Variants in REL observed in about 807,000 individuals in gnomAD.
REL encodes the protein proto-oncogene c-Rel.
REL carries 15 observed loss-of-function variants against 45.9 expected under a neutral mutation model. That is an observed-to-expected ratio of 0.33 (90% CI 0.22 to 0.50). The LOEUF (loss-of-function observed/expected upper bound fraction) is 0.50. Ranked by LOEUF, REL falls within the 20% of genes least tolerant of loss-of-function variation. The pLI, the probability that REL is intolerant of heterozygous loss-of-function variation, is 0.98. For synonymous variants in REL, 239 were observed against 242.1 expected, an observed-to-expected ratio of 0.99 and a Z score of 0.12; for missense variants, 601 against 715.2, an observed-to-expected ratio of 0.84 and a Z score of 1.82.
In REL at chr2:60,922,756, C is replaced by A; in HGVS notation, c.*221C>A. The A allele has an allele frequency of 8.8e-7, 1 of 1,141,002 alleles. No homozygotes were observed. Among genetic ancestry groups the A allele is most frequent in the Non-Finnish European group, 1.1e-6 (1 of 927,990 alleles). 70.7% of individuals were successfully genotyped at this position (1,141,002 alleles called of 1,614,324 possible). On this transcript the variant is annotated 3_prime_UTR_variant, in exon 10 of 10. Coordinates refer to ENST00000394479, the MANE Select transcript of REL (RefSeq NM_001291746.2). Reference sequence around the variant, plus strand: ...ATTGGAAGCTGTCATAAAAAGACAACTCAGAGGCCAGGCGCAGGGGCTCAC... The same window carrying A: ...ATTGGAAGCTGTCATAAAAAGACAAATCAGAGGCCAGGCGCAGGGGCTCAC...
chr2:60,926,208 A>T lies in REL; in HGVS notation c.*3673A>T. The T allele has an allele frequency of 4.3e-6, 1 of 230,952 alleles. No homozygotes were observed. Among genetic ancestry groups the T allele is most frequent in the East Asian group, 6.1e-5 (1 of 16,392 alleles). 14.3% of individuals were successfully genotyped at this position (230,952 alleles called of 1,614,324 possible). On this transcript the variant is annotated 3_prime_UTR_variant, in exon 10 of 10. Transcript: ENST00000394479. ...CACTTAGTGATTCCTTTCTTTGTAT[A>T]AACATGGTAAATGTCTTCATTAGCC... is the stretch of plus-strand genomic sequence containing the variant.
chr2:60,886,206 T>G (rs866331646), intron 1 of REL, among the ~76,000 whole-genome samples: 50 of 152,316 alleles, frequency 3.3e-4, no homozygotes, highest in African/African-American at 1.2e-3. Context: ...GAAGATTTCT[T>G]TATCTTCTAA....
At chr2:60,917,613 CA>C (rs1674012458) in intron 5 of REL, among the ~76,000 whole-genome samples, 1 of 146,528 alleles carries the variant, frequency 6.8e-6, no homozygotes, top group African/African-American at 2.5e-5. Context: ...CACTGCATGG[CA>C]AATGCTGGCT....
At chr2:60,888,282 C>G (rs537290499) in intron 1 of REL, among the ~76,000 whole-genome samples, 4 of 152,056 alleles carry the variant, frequency 2.6e-5, no homozygotes, top group Non-Finnish European at 4.4e-5. Context: ...TTCACACTCT[C>G]TCTTCCCAAA....
At chr2:60,891,627 C>A in intron 1 of REL, 56 bp from the exon 2 acceptor site, 6 of 1,352,586 alleles carry the variant, frequency 4.4e-6, no homozygotes, top group African/African-American at 1.5e-5. Context: ...TGTTAAAATC[C>A]ATTATTAATT....
At position 60,928,462 on chromosome 2, in the gene REL, G is replaced by A. The variant is rs540139487; in HGVS notation, c.*5927G>A. 3.3e-5 allele frequency: 5 copies of A among 151,014 alleles called. No homozygotes were observed. Among genetic ancestry groups the A allele is most frequent in the Non-Finnish European group, 5.9e-5 (4 of 67,690 alleles). The allele number at this position is 151,014 out of a possible 1,614,324, so 9.4% of individuals were successfully genotyped here. A position where few individuals can be genotyped will look rare whatever the true frequency, so the allele number is the denominator to read the frequency against. ...CAGTAACCAAAACAGCATGGTACTGGTACCAAAACAGAGATATAGATCACT... is the reference window on the plus strand; with the variant it reads ...CAGTAACCAAAACAGCATGGTACTGATACCAAAACAGAGATATAGATCACT... On this transcript the variant is annotated 3_prime_UTR_variant, in exon 10 of 10. Transcript: ENST00000394479.
chr2:60,887,032 G>A (rs971746074), intron 1 of REL, among the ~76,000 whole-genome samples: 1 of 152,104 alleles, frequency 6.6e-6, no homozygotes, highest in Admixed American at 6.6e-5. Context: ...GGCGATTTGA[G>A]GTTATCTTAG....
chr2:60,906,097 G>A (rs1207640886), intron 4 of REL, among the ~76,000 whole-genome samples: 3 of 152,156 alleles, frequency 2.0e-5, no homozygotes, highest in Non-Finnish European at 4.4e-5. Context: ...TGCAAAAGCG[G>A]AAATCCCTGA....
At chr2:60,907,208 C>G (rs1243906475) in intron 4 of REL, among the ~76,000 whole-genome samples, 1 of 151,948 alleles carries the variant, frequency 6.6e-6, no homozygotes, top group East Asian at 1.9e-4. Flanking sequence ...GCGTGAGCCA[C>G]CGCACCCAGC....
At chr2:60,903,616 C>A (rs1173792834) in intron 4 of REL, among the ~76,000 whole-genome samples, 1 of 152,088 alleles carries the variant, frequency 6.6e-6, no homozygotes, top group Non-Finnish European at 1.5e-5. Flanking sequence ...TTGCTGCAAC[C>A]CTCACCTCCT....
intron 4 of REL, among the ~76,000 whole-genome samples, chr2:60,909,344 AACTT>A (rs1387345542): frequency 1.3e-5 from 2 of 152,228 alleles, no homozygotes; most frequent in Non-Finnish European, 2.9e-5. Flanking sequence ...CTTAAATGTC[AACTT>A]TTATTATTAT....
At chr2:60,906,170 C>T (rs1673643280) in intron 4 of REL, among the ~76,000 whole-genome samples, 1 of 152,174 alleles carries the variant, frequency 6.6e-6, no homozygotes, top group South Asian at 2.1e-4. Context: ...GGAAACCACC[C>T]CCATGATTCA....
At chr2:60,906,477 T>G (rs573724191) in intron 4 of REL, among the ~76,000 whole-genome samples, 1 of 152,316 alleles carries the variant, frequency 6.6e-6, no homozygotes, top group East Asian at 1.9e-4. Context: ...GAAACTTTGA[T>G]CTGATCTACA....
chr2:60,906,881 A>G (rs566324115), intron 4 of REL, among the ~76,000 whole-genome samples: 13 of 124,112 alleles, frequency 1.0e-4, no homozygotes, highest in Admixed American at 5.0e-4. Flanking sequence ...GCGTGTGTGT[A>G]TGTGTGTGTG....
chr2:60,906,913 A>ATTTTTTTTTTT (rs1162627805), intron 4 of REL, among the ~76,000 whole-genome samples: 6 of 104,300 alleles, frequency 5.8e-5, no homozygotes, highest in African/African-American at 2.4e-4. Flanking sequence ...ATATATATAT[A>ATTTTTTTTTTT]TTTTTTTTTT....
chr2:60,885,718 T>C (rs970357944), intron 1 of REL, among the ~76,000 whole-genome samples: 1 of 152,190 alleles, frequency 6.6e-6, no homozygotes, highest in African/African-American at 2.4e-5. Context: ...AAAATATATA[T>C]TGTTAGCTCC....
At chr2:60,893,860 TTC>T (rs1553392622) in intron 2 of REL, among the ~76,000 whole-genome samples, 1 of 152,220 alleles carries the variant, frequency 6.6e-6, no homozygotes, top group Admixed American at 6.5e-5. Flanking sequence ...TAGCTATACT[TTC>T]TATGTGAAAT....
chr2:60,891,689 A>G lies in REL; in HGVS notation c.17A>G (p.Tyr6Cys). Residue 6 changes from tyrosine to cysteine, a missense_variant, in exon 2 of 10, where the codon TAT becomes TGT. Tyr to Cys is a radical substitution (Grantham distance 194). This residue lies in a region of REL where 24 missense variants were observed against 18.2 expected (regional missense o/e 1.32). Coordinates refer to ENST00000394479, the MANE Select transcript of REL (RefSeq NM_001291746.2). MASGAYNPYIEIIEQP... is the reference protein window; with the variant it reads MASGACNPYIEIIEQP... ...CTTTTTAAAAACTTTTCAGGTGCGT[A>G]TAACCCGTATATAGAGATAATTGAA... is the stretch of plus-strand genomic sequence containing the variant. 3.7e-6 allele frequency: 6 copies of G among 1,611,168 alleles called. No individual in the cohort carries two copies. Among genetic ancestry groups the G allele is most frequent in the Non-Finnish European group, 5.1e-6 (6 of 1,178,568 alleles).
At chr2:60,920,816 A>G (rs746957562) in intron 9 of REL, among the ~76,000 whole-genome samples, 174 bp downstream of exon 9, 1 of 152,206 alleles carries the variant, frequency 6.6e-6, no homozygotes, top group Non-Finnish European at 1.5e-5. Context: ...GTTGTGTTAG[A>G]AACTGATTAT....
Sources: gnomAD v4.1 joint callset for allele counts (sites outside exome capture counted in the v4.1 genomes callset) on GRCh38, gnomAD v4.1.1 for gene constraint, gnomAD v4.1.1 regional missense constraint, MANE v1.5 for transcripts, NCBI Gene and HGNC (gene_info 2026-07-23, HGNC 2026-07-21) for gene names.